The following DENND1A variants were observed in gnomAD, a reference collection of about 807,000 sequenced individuals.
The protein encoded by DENND1A is DENN domain-containing protein 1A.
DENND1A carries 51 observed loss-of-function variants against 113.7 expected under a neutral mutation model. The ratio of observed to expected loss-of-function variants is 0.45; its 90% CI spans 0.36 to 0.57. The LOEUF (loss-of-function observed/expected upper bound fraction) is 0.57, where lower values mean the gene tolerates loss of function less well. Among genes scored for constraint, DENND1A ranks in the 20% least tolerant of loss-of-function variants. The probability of loss-of-function intolerance (pLI) is 0.00; values close to 1 mark genes in which losing one functional copy is unlikely to be tolerated. For synonymous variants in DENND1A, 565 were observed against 570.8 expected, an observed-to-expected ratio of 0.99 and a Z score of 0.14; for missense variants, 1,258 against 1,395.9, an observed-to-expected ratio of 0.90 and a Z score of 1.57.
In DENND1A at chr9:123,845,670, C is replaced by CAAAAAAAAAAAAAAAAA. The variant is rs555731367; in HGVS notation, c.88+33264_88+33280dup. Among the ~76,000 whole-genome samples the CAAAAAAAAAAAAAAAAA allele has an allele frequency of 1.2e-3, 51 of 44,088 alleles. 1 individual carries two copies. The highest frequency in any genetic ancestry group is 3.4e-3 in the African/African-American group (44 of 12,914). The allele number at this position is 44,088 out of a possible 152,430, so 28.9% of individuals were successfully genotyped here. A position where few individuals can be genotyped will look rare whatever the true frequency, so the allele number is the denominator to read the frequency against. ...GGGTGACCAAGTGAGAACCTGTCTC[C>CAAAAAAAAAAAAAAAAA]AAAAAAAAAAAAAAAAAAAAAAAAA... On this transcript the variant is annotated intron_variant, in intron 2 of 23. Transcript: ENST00000394215.
chr9:123,457,099 G>C (rs947581269), intron 15 of DENND1A, among the ~76,000 whole-genome samples: 1 of 152,162 alleles, frequency 6.6e-6, no homozygotes, highest in Non-Finnish European at 1.5e-5. Flanking sequence ...GACCACGCTG[G>C]CTACTACTTT....
chr9:123,624,555 G>A (rs897820694), intron 10 of DENND1A, among the ~76,000 whole-genome samples: 3 of 152,112 alleles, frequency 2.0e-5, no homozygotes, highest in Non-Finnish European at 2.9e-5. Flanking sequence ...GTTCTTTCAC[G>A]GAAACAAGAG....
At chr9:123,556,554 A>G (rs1204742416) in intron 13 of DENND1A, among the ~76,000 whole-genome samples, 1 of 152,170 alleles carries the variant, frequency 6.6e-6, no homozygotes, top group African/African-American at 2.4e-5. Context: ...ATTAAATGCT[A>G]TAGGTTAAAG....
intron 11 of DENND1A, among the ~76,000 whole-genome samples, chr9:123,589,059 T>C (rs1482564772): frequency 6.6e-6 from 1 of 151,998 alleles, no homozygotes; most frequent in Non-Finnish European, 1.5e-5. Flanking sequence ...AGCCACTGCG[T>C]TTGGCCAGTT....
chr9:123,906,474 G>A (rs1183568297), intron 1 of DENND1A, among the ~76,000 whole-genome samples: 2 of 71,022 alleles, frequency 2.8e-5, no homozygotes, highest in East Asian at 6.3e-4. Context: ...GACTAATAAA[G>A]AAAAAAAGAG....
chr9:123,465,880 C>T (rs35307072), intron 13 of DENND1A, among the ~76,000 whole-genome samples: 5 of 152,174 alleles, frequency 3.3e-5, no homozygotes, highest in Non-Finnish European at 7.3e-5. Flanking sequence ...GTTTTAAATG[C>T]TAACTCATAT....
At chr9:123,669,407 T>G (rs1249216228) in intron 7 of DENND1A, among the ~76,000 whole-genome samples, 1 of 152,208 alleles carries the variant, frequency 6.6e-6, no homozygotes, top group Non-Finnish European at 1.5e-5. Flanking sequence ...TCCTTTGAGA[T>G]TCTGTCTTGC....
intron 15 of DENND1A, among the ~76,000 whole-genome samples, chr9:123,456,657 A>G (rs2048148793): frequency 6.6e-6 from 1 of 152,166 alleles, no homozygotes; most frequent in African/African-American, 2.4e-5. Flanking sequence ...CTAAAATACA[A>G]AAATTAGCTG....
At chr9:123,434,692 T>C (rs74460088) in intron 19 of DENND1A, among the ~76,000 whole-genome samples, 3,349 of 151,328 alleles carry the variant, frequency 0.022, 122 homozygotes, top group African/African-American at 0.075. Flanking sequence ...CCTAGGGGAG[T>C]TGGGAGAATT....
intron 2 of DENND1A, among the ~76,000 whole-genome samples, chr9:123,800,734 T>C (rs574309387): frequency 6.6e-6 from 1 of 152,308 alleles, no homozygotes; most frequent in Non-Finnish European, 1.5e-5. Flanking sequence ...ATAAAATGAC[T>C]CCAAAGTAAC....
At chr9:123,717,357 T>C (rs1236767002) in intron 5 of DENND1A, among the ~76,000 whole-genome samples, 1 of 152,220 alleles carries the variant, frequency 6.6e-6, no homozygotes, top group Non-Finnish European at 1.5e-5. Context: ...ATAATGTATG[T>C]GACTCATTTA....
At chr9:123,399,066 G>C (rs2043292577) in intron 21 of DENND1A, among the ~76,000 whole-genome samples, 1 of 152,100 alleles carries the variant, frequency 6.6e-6, no homozygotes, top group African/African-American at 2.4e-5. Flanking sequence ...AAGGTGCTGG[G>C]ATTACAGGTG....
At chr9:123,564,049 G>A (rs1286062661) in intron 12 of DENND1A, among the ~76,000 whole-genome samples, 1 of 152,156 alleles carries the variant, frequency 6.6e-6, no homozygotes, top group Non-Finnish European at 1.5e-5. Flanking sequence ...GGGAGGGCCT[G>A]TCTCCCAAGG....
chr9:123,411,051 G>A (rs2044269915), intron 20 of DENND1A, among the ~76,000 whole-genome samples: 1 of 151,164 alleles, frequency 6.6e-6, no homozygotes, highest in African/African-American at 2.4e-5. Context: ...GTGGTGGTGG[G>A]TTTATCACAT....
intron 5 of DENND1A, among the ~76,000 whole-genome samples, chr9:123,725,833 T>C (rs1201431827): frequency 1.3e-5 from 2 of 152,228 alleles, no homozygotes; most frequent in African/African-American, 4.8e-5. Context: ...AATTATGCCA[T>C]GGAAATCTTG....
intron 2 of DENND1A, among the ~76,000 whole-genome samples, chr9:123,835,673 A>G (rs575689714): frequency 1.1e-4 from 16 of 152,070 alleles, no homozygotes; most frequent in East Asian, 3.9e-4. Context: ...AAAAAAAAAA[A>G]AAAGAAAAAA....
chr9:123,903,757 T>C (rs1485155176), intron 1 of DENND1A, among the ~76,000 whole-genome samples: 1 of 152,056 alleles, frequency 6.6e-6, no homozygotes, highest in Non-Finnish European at 1.5e-5. Context: ...AGCACAGCAG[T>C]CTGAGATCAA....
intron 5 of DENND1A, among the ~76,000 whole-genome samples, chr9:123,706,036 T>C (rs2066173627): frequency 6.6e-6 from 1 of 152,118 alleles, no homozygotes. Context: ...GAGGTTAAGA[T>C]TAGAAACAGG....
intron 2 of DENND1A, 92 bp downstream of exon 2, chr9:123,878,859 A>C: frequency 2.3e-6 from 3 of 1,283,858 alleles, no homozygotes; most frequent in Admixed American, 1.9e-5. Flanking sequence ...AAAGACAAAT[A>C]ACAATTTACT....
Sources: gnomAD v4.1 joint callset for allele counts (sites outside exome capture counted in the v4.1 genomes callset) on GRCh38, gnomAD v4.1.1 for gene constraint, MANE v1.5 for transcripts, NCBI Gene and HGNC (gene_info 2026-07-23, HGNC 2026-07-21) for gene names.